Variants in XKR4 observed in about 807,000 individuals in gnomAD.
XKR4 encodes XK-related protein 4.
XKR4 carries 12 observed loss-of-function variants against 53.9 expected under a neutral mutation model. The observed-to-expected ratio is 0.22, with a 90% confidence interval of 0.14 to 0.36. XKR4 has a LOEUF of 0.36. Ranked by LOEUF, XKR4 falls within the 10% of genes least tolerant of loss-of-function variation. The pLI, the probability that XKR4 is intolerant of heterozygous loss-of-function variation, is 1.00. For missense variants in XKR4, 799 were observed against 859.5 expected (o/e 0.93, Z 0.88); for synonymous variants, 354 against 362.4 (o/e 0.98, Z 0.26).
intron 1 of XKR4, among the ~76,000 whole-genome samples, chr8:55,197,733 C>A (rs969470103): frequency 6.6e-6 from 1 of 151,982 alleles, no homozygotes; most frequent in African/African-American, 2.4e-5. Flanking sequence ...TTAGTAGAGA[C>A]AGGGTTTCAT....
intron 1 of XKR4, among the ~76,000 whole-genome samples, chr8:55,104,602 C>T (rs1203573416): frequency 6.6e-6 from 1 of 152,158 alleles, no homozygotes; most frequent in Non-Finnish European, 1.5e-5. Flanking sequence ...GGTGATTTCA[C>T]AACCTTTCCT....
chr8:55,259,951 C>T (rs1044827465), intron 1 of XKR4, among the ~76,000 whole-genome samples: 2 of 128,216 alleles, frequency 1.6e-5, no homozygotes, highest in Non-Finnish European at 3.2e-5. Context: ...GTGTATAAAA[C>T]TTCCTGTGGC....
chr8:55,296,194 T>C (rs1483063117), intron 1 of XKR4, among the ~76,000 whole-genome samples: 2 of 152,074 alleles, frequency 1.3e-5, no homozygotes, highest in African/African-American at 4.8e-5. Context: ...GAATCCAGCA[T>C]GAGGGGAAGG....
chr8:55,129,363 C>T lies in XKR4; in HGVS notation c.806+26069C>T, dbSNP rs6985103. 1.7e-3 allele frequency among the ~76,000 whole-genome samples: 257 copies of T among 152,292 alleles called. 1 individual carries two copies. Among genetic ancestry groups the T allele is most frequent in the African/African-American group, 3.4e-3 (143 of 41,572 alleles). On this transcript the variant is annotated intron_variant, in intron 1 of 2. Coordinates refer to ENST00000327381, the MANE Select transcript of XKR4 (RefSeq NM_052898.2). The stretch of plus-strand genomic sequence containing the variant: ...GTTCTCACTCCTGCAGGTCGGGTGC[C>T]GGGAGGTAAAACTGCCTTGCACTCT...
At chr8:55,302,857 A>T (rs1293541637) in intron 1 of XKR4, among the ~76,000 whole-genome samples, 1 of 152,158 alleles carries the variant, frequency 6.6e-6, no homozygotes, top group Non-Finnish European at 1.5e-5. Flanking sequence ...GTATCCTGAG[A>T]CTTTGCTGAA....
chr8:55,500,408 T>C (rs1013670837), intron 2 of XKR4, among the ~76,000 whole-genome samples: 1 of 152,200 alleles, frequency 6.6e-6, no homozygotes, highest in African/African-American at 2.4e-5. Flanking sequence ...TGAATGTCAT[T>C]ATGATGCTTA....
rs537492118 is a variant in XKR4 at position 55,447,412 on chromosome 8, G to A, written c.1007-75869G>A. Among the ~76,000 whole-genome samples, 3 of 152,266 alleles carry A rather than the reference G, an allele frequency of 2.0e-5. No homozygotes were observed. In the South Asian group the frequency reaches 6.2e-4, roughly 32 times the overall value. ...CGGCTCCCCTGAGAGGGGAGAAAGG[G>A]AAGATAACACACACAGACTAGCTTT... On this transcript the variant is annotated intron_variant, in intron 2 of 2. Coordinates refer to ENST00000327381, the MANE Select transcript of XKR4 (RefSeq NM_052898.2).
chr8:55,476,470 C>T (rs1805986515), intron 2 of XKR4, among the ~76,000 whole-genome samples: 1 of 152,102 alleles, frequency 6.6e-6, no homozygotes. Flanking sequence ...ATCTACAGCT[C>T]CCAGCGTGAG....
chr8:55,111,168 G>A (rs1334977348), intron 1 of XKR4, among the ~76,000 whole-genome samples: 1 of 152,154 alleles, frequency 6.6e-6, no homozygotes, highest in Non-Finnish European at 1.5e-5. Flanking sequence ...CTACCTGACT[G>A]CTCTGGGTCA....
intron 1 of XKR4, among the ~76,000 whole-genome samples, chr8:55,322,551 A>T (rs1309966440): frequency 6.6e-6 from 1 of 152,232 alleles, no homozygotes; most frequent in African/African-American, 2.4e-5. Context: ...CTGATATTTT[A>T]AAATTATTTT....
chr8:55,322,666 C>T (rs950196354), intron 1 of XKR4, among the ~76,000 whole-genome samples: 1 of 152,144 alleles, frequency 6.6e-6, no homozygotes, highest in African/African-American at 2.4e-5. Flanking sequence ...TTAAGTTTTA[C>T]CAGTCAGATG....
intron 1 of XKR4, among the ~76,000 whole-genome samples, chr8:55,105,189 C>T (rs1224496107): frequency 6.6e-6 from 1 of 152,146 alleles, no homozygotes; most frequent in African/African-American, 2.4e-5. Context: ...ACTATACCTT[C>T]TAAACCAAAC....
intron 1 of XKR4, among the ~76,000 whole-genome samples, chr8:55,121,228 T>C (rs529258088): frequency 6.6e-6 from 1 of 152,362 alleles, no homozygotes; most frequent in East Asian, 1.9e-4. Flanking sequence ...TTTGGGTAGA[T>C]ACCAAGTAGC....
At chr8:55,464,933 T>G (rs1044647228) in intron 2 of XKR4, among the ~76,000 whole-genome samples, 3 of 152,026 alleles carry the variant, frequency 2.0e-5, no homozygotes, top group African/African-American at 7.3e-5. Flanking sequence ...TTACAAGGGA[T>G]GTGAAGGACC....
intron 1 of XKR4, among the ~76,000 whole-genome samples, chr8:55,112,597 G>T (rs561760302): frequency 2.4e-4 from 23 of 97,264 alleles, no homozygotes; most frequent in African/African-American, 8.6e-4. Context: ...TTAGGGAGCA[G>T]AGAGTCAATA....
At chr8:55,315,008 T>G (rs995048949) in intron 1 of XKR4, among the ~76,000 whole-genome samples, 8 of 152,194 alleles carry the variant, frequency 5.3e-5, no homozygotes, top group African/African-American at 1.7e-4. Context: ...GTTCCTAAAC[T>G]AGGTGATTTC....
chr8:55,265,695 C>T (rs1818589255), intron 1 of XKR4, among the ~76,000 whole-genome samples: 1 of 151,592 alleles, frequency 6.6e-6, no homozygotes, highest in Non-Finnish European at 1.5e-5. Flanking sequence ...TATAAAAATT[C>T]CTGGCTGGGC....
chr8:55,145,329 G>A (rs971139608), intron 1 of XKR4, among the ~76,000 whole-genome samples: 1 of 151,836 alleles, frequency 6.6e-6, no homozygotes, highest in East Asian at 1.9e-4. Context: ...CTCCACCTAT[G>A]AAGCCATTCT....
intron 2 of XKR4, among the ~76,000 whole-genome samples, chr8:55,400,859 C>T (rs1290544388): frequency 6.6e-6 from 1 of 152,104 alleles, no homozygotes; most frequent in Non-Finnish European, 1.5e-5. Context: ...TTCTTAAGAG[C>T]CTCTCTCTCC....
Sources: gnomAD v4.1 joint callset for allele counts (sites outside exome capture counted in the v4.1 genomes callset) on GRCh38, gnomAD v4.1.1 for gene constraint, MANE v1.5 for transcripts, NCBI Gene and HGNC (gene_info 2026-07-23, HGNC 2026-07-21) for gene names.